Variants in MARCHF1 observed in about 807,000 individuals in gnomAD.
MARCHF1 encodes membrane associated ring-CH-type finger 1, also known as E3 ubiquitin-protein ligase MARCHF1.
A neutral mutation model predicts 54.2 loss-of-function variants in MARCHF1; 40 were observed. That is an observed-to-expected ratio of 0.74 (90% confidence interval 0.57 to 0.96). The LOEUF is 0.96. MARCHF1 is among the 40% of genes least tolerant of loss of function. The probability of loss-of-function intolerance (pLI) is 0.00; values close to 1 mark genes in which losing one functional copy is unlikely to be tolerated. For synonymous variants in MARCHF1, 236 were observed against 236.3 expected (o/e 1.00, Z 0.01); for missense variants, 586 against 656.5 (o/e 0.89, Z 1.17).
chr4:163,780,036 A>G (rs1033077537), intron 4 of MARCHF1, among the ~76,000 whole-genome samples: 2 of 152,206 alleles, frequency 1.3e-5, no homozygotes, highest in Non-Finnish European at 2.9e-5. Flanking sequence ...CTCAAGGACC[A>G]GGCTTGGACC....
intron 1 of MARCHF1, among the ~76,000 whole-genome samples, chr4:164,350,289 G>C (rs1357221883): frequency 6.6e-6 from 1 of 152,118 alleles, no homozygotes; most frequent in Non-Finnish European, 1.5e-5. Context: ...TCATATGTAA[G>C]AGCCAAAGAA....
At chr4:164,208,640 C>G (rs575192298) in intron 1 of MARCHF1, among the ~76,000 whole-genome samples, 1 of 152,142 alleles carries the variant, frequency 6.6e-6, no homozygotes, top group East Asian at 1.9e-4. Flanking sequence ...TAATGGCAGA[C>G]AAGGACAGTG....
rs189497461 is a variant in MARCHF1 at position 164,133,318 on chromosome 4, A to C, written c.-322-21656T>G. On this transcript the variant is annotated intron_variant, in intron 1 of 9. Transcript: ENST00000514618. ...TCTGCCTAGTTTAAAACTGGAGGAC[A>C]TGTCCATTATTACTGCGCAATGAAT... Among the ~76,000 whole-genome samples the C allele has an allele frequency of 1.3e-4, 20 of 152,326 alleles. No homozygotes were observed. The East Asian group carries it at 3.7e-3, about 28-fold the overall frequency.
At chr4:163,862,898 T>A (rs912105885) in intron 3 of MARCHF1, among the ~76,000 whole-genome samples, 3 of 152,018 alleles carry the variant, frequency 2.0e-5, no homozygotes, top group African/African-American at 7.2e-5. Flanking sequence ...AAATTACCTA[T>A]CAAACCATAA....
intron 1 of MARCHF1, among the ~76,000 whole-genome samples, chr4:164,315,838 CA>C (rs1055578965): frequency 3.9e-5 from 6 of 152,020 alleles, no homozygotes; most frequent in African/African-American, 1.4e-4. Context: ...TATAAGATAT[CA>C]AAAGAATTGG....
chr4:163,773,943 C>G (rs973997509), intron 4 of MARCHF1, among the ~76,000 whole-genome samples: 1 of 152,222 alleles, frequency 6.6e-6, no homozygotes, highest in South Asian at 2.1e-4. Context: ...AATTGCCATT[C>G]AAAGAAGTCA....
At chr4:164,059,080 A>G (rs1358879410) in intron 2 of MARCHF1, among the ~76,000 whole-genome samples, 1 of 152,220 alleles carries the variant, frequency 6.6e-6, no homozygotes, top group African/African-American at 2.4e-5. Context: ...GTACATGCAC[A>G]TATGAGCTGG....
chr4:164,345,730 T>C (rs1730074480), intron 1 of MARCHF1, among the ~76,000 whole-genome samples: 1 of 152,050 alleles, frequency 6.6e-6, no homozygotes, highest in Non-Finnish European at 1.5e-5. Flanking sequence ...AATATTGTTA[T>C]TGGACCTTGG....
intron 1 of MARCHF1, among the ~76,000 whole-genome samples, chr4:164,365,322 T>C (rs1206107008): frequency 6.6e-6 from 1 of 152,090 alleles, no homozygotes; most frequent in East Asian, 1.9e-4. Flanking sequence ...TCCATTCTAC[T>C]TCCATTCGAC....
chr4:164,307,939 ATG>A (rs947582290), intron 1 of MARCHF1, among the ~76,000 whole-genome samples: 3 of 152,128 alleles, frequency 2.0e-5, no homozygotes, highest in Admixed American at 2.0e-4. Context: ...CTTTCAAATC[ATG>A]TGTCTTCATT....
At chr4:163,827,252 C>G (rs1748879198) in intron 4 of MARCHF1, among the ~76,000 whole-genome samples, 1 of 151,966 alleles carries the variant, frequency 6.6e-6, no homozygotes. Context: ...GCCTTTCAAT[C>G]ATCAGATATT....
intron 3 of MARCHF1, among the ~76,000 whole-genome samples, chr4:163,875,368 A>G (rs1229794792): frequency 6.6e-6 from 1 of 152,174 alleles, no homozygotes; most frequent in African/African-American, 2.4e-5. Context: ...GCAACTCAGC[A>G]AGTCTCAGCA....
chr4:163,982,778 C>T (rs1413848114), intron 3 of MARCHF1, among the ~76,000 whole-genome samples: 1 of 152,132 alleles, frequency 6.6e-6, no homozygotes, highest in African/African-American at 2.4e-5. Flanking sequence ...CCAACCTTTT[C>T]CCTCAGTATA....
intron 1 of MARCHF1, among the ~76,000 whole-genome samples, chr4:164,247,587 C>A (rs1326178071): frequency 7.5e-6 from 1 of 133,434 alleles, no homozygotes; most frequent in Non-Finnish European, 1.6e-5. Context: ...TGCACATGTA[C>A]CCTAAAACTT....
chr4:163,879,670 G>A (rs1307690887), intron 3 of MARCHF1, among the ~76,000 whole-genome samples: 1 of 149,874 alleles, frequency 6.7e-6, no homozygotes, highest in African/African-American at 2.4e-5. Context: ...TACTAGGAAA[G>A]TGGACTATGG....
intron 2 of MARCHF1, among the ~76,000 whole-genome samples, chr4:164,064,145 C>T (rs1314162087): frequency 6.6e-6 from 1 of 152,120 alleles, no homozygotes; most frequent in Non-Finnish European, 1.5e-5. Flanking sequence ...GCTATTCAGG[C>T]TCTTTGTTTG....
In MARCHF1 at chr4:163,647,841, A is replaced by T. The variant is rs149739951; in HGVS notation, c.163-34448T>A. On this transcript the variant is annotated intron_variant, in intron 5 of 9. Transcript: ENST00000514618. Reference sequence around the variant, plus strand: ...TAAATAACCTATGTTTCATCTCAAGAAACTAGAAAAAGAAGAACAAAAGAA... The same window carrying T: ...TAAATAACCTATGTTTCATCTCAAGTAACTAGAAAAAGAAGAACAAAAGAA... Among the ~76,000 whole-genome samples, 561 of 151,956 alleles carry T rather than the reference A, an allele frequency of 3.7e-3. 1 individual carries two copies. Among genetic ancestry groups the T allele is most frequent in the African/African-American group, 0.013 (531 of 41,558 alleles).
chr4:163,825,864 A>C (rs1014043013), intron 4 of MARCHF1, among the ~76,000 whole-genome samples: 3 of 151,968 alleles, frequency 2.0e-5, no homozygotes, highest in Admixed American at 6.6e-5. Flanking sequence ...ACCTCTCCCT[A>C]TATGAAAACA....
intron 1 of MARCHF1, among the ~76,000 whole-genome samples, chr4:164,150,846 T>A (rs1729915345): frequency 6.6e-6 from 1 of 152,062 alleles, no homozygotes; most frequent in African/African-American, 2.4e-5. Context: ...CAAAGGAGAA[T>A]TAGGGTAGCA....
Sources: allele counts gnomAD v4.1 joint callset (sites outside exome capture counted in the v4.1 genomes callset), GRCh38; gene constraint gnomAD v4.1.1; transcripts MANE v1.5; gene names NCBI Gene and HGNC (gene_info 2026-07-23, HGNC 2026-07-21).